The following MIB1 variants were observed in gnomAD, a reference collection of about 807,000 sequenced individuals.
MIB1 encodes the protein MIB E3 ubiquitin protein ligase 1.
In MIB1, 278 loss-of-function variants were observed where a neutral mutation model predicts 124.5. The ratio of observed to expected loss-of-function variants is 2.23; its 90% CI spans 2.02 to 2.47. MIB1 has a LOEUF of 2.47. MIB1 is among the 30% of genes most tolerant of loss of function. MIB1 has a pLI of 0.00. For missense variants in MIB1, 957 were observed against 1,254.4 expected (o/e 0.76, Z 3.58); for synonymous variants, 446 against 429.4 (o/e 1.04, Z -0.48).
intron 12 of MIB1, chr18:21,828,159 G>A (rs1360825609): frequency 1.3e-5 from 2 of 151,854 alleles, no homozygotes; most frequent in Middle Eastern, 3.2e-3. Flanking sequence ...ACAGTTCTTC[G>A]ATCTGTATAA....
At chr18:21,727,531 C>A (rs2040747832) in intron 1 of MIB1, among the ~76,000 whole-genome samples, 1 of 152,126 alleles carries the variant, frequency 6.6e-6, no homozygotes, top group East Asian at 1.9e-4. Context: ...TTGCTTGAAG[C>A]TAGTAGTTTG....
At chr18:21,725,324 G>A (rs968575228) in intron 1 of MIB1, among the ~76,000 whole-genome samples, 2 of 152,134 alleles carry the variant, frequency 1.3e-5, no homozygotes, top group South Asian at 4.1e-4. Flanking sequence ...GAAAGGTCAT[G>A]TTGGAAAGGA....
At chr18:21,846,841 C>A in intron 15 of MIB1, 103 bp from the exon 16 acceptor site, 1 of 1,101,196 alleles carries the variant, frequency 9.1e-7, no homozygotes. Context: ...AACATTAGGA[C>A]TAGAACTCAT....
upstream of MIB1, among the ~76,000 whole-genome samples, chr18:21,739,688 C>T (rs2040820232): frequency 6.6e-6 from 1 of 151,858 alleles, no homozygotes; most frequent in Non-Finnish European, 1.5e-5. Flanking sequence ...ACCAGTCCGG[C>T]CAGGGAAAAT....
intron 4 of MIB1, among the ~76,000 whole-genome samples, chr18:21,775,068 TC>T (rs1233796439): frequency 6.6e-6 from 1 of 151,948 alleles, no homozygotes; most frequent in East Asian, 1.9e-4. Flanking sequence ...GCCTCAGCCT[TC>T]CTAGTAGCTG....
intron 6 of MIB1, 92 bp downstream of exon 6, chr18:21,779,777 A>G: frequency 1.0e-6 from 1 of 1,000,914 alleles, no homozygotes; most frequent in Non-Finnish European, 1.5e-6. Flanking sequence ...ACAACCAAAT[A>G]CTCATTAAAG....
Position 21,715,663 on chromosome 18 carries a change from TA to T in MIB1, n.167+10548del, listed in dbSNP as rs1203100071. 3.3e-5 allele frequency among the ~76,000 whole-genome samples: 5 copies of T among 150,736 alleles called. 1 individual carries two copies. Among genetic ancestry groups the T allele is most frequent in the South Asian group, 4.2e-4 (2 of 4,760 alleles). ...TCGTCAGTGAAATAGATATCATAAA[TA>T]AAAAAAATCAAAACTTCAGGAAACA... On this transcript the variant is annotated intron_variant and non_coding_transcript_variant, in intron 1 of 20. Transcript: ENST00000578646.
Position 21,791,447 on chromosome 18 carries a change from G to A in MIB1, c.982G>A (p.Gly328Arg), listed in dbSNP as rs1363189425. Residue 328 changes from glycine (G) to arginine (R), a missense_variant, in exon 7 of 21, where the codon GGA becomes AGA. Physicochemically the swap from Gly to Arg is moderately radical, Grantham distance 125. Transcript: ENST00000261537. ...TGGAGATGCTGCTCAGGGTGCAGAA[G>A]GAGGCACCTCGCAGTTTCAAGTGGG... ...RSGDAAQGAE[G>R]GTSQFQVGDL... is the part of the protein sequence containing the mutation. 9.9e-6 allele frequency: 16 copies of A among 1,614,054 alleles called. No homozygotes were observed. The highest frequency in any genetic ancestry group is 1.3e-5 in the Non-Finnish European group (15 of 1,179,958).
chr18:21,815,341 C>A (rs2041820559), intron 10 of MIB1, among the ~76,000 whole-genome samples: 1 of 151,724 alleles, frequency 6.6e-6, no homozygotes, highest in Non-Finnish European at 1.5e-5. Context: ...GCTCTCTCTA[C>A]AAGACAGGAT....
rs538334905 is a variant in MIB1 at position 21,764,255 on chromosome 18, T to G, written c.230-1517T>G. Reference sequence around the variant, plus strand: ...CTTCCTCCTTCCTTCCTTGCTTCCCTCCTTCCTGCCTTCCCTCCCTCTTCC... The same window carrying G: ...CTTCCTCCTTCCTTCCTTGCTTCCCGCCTTCCTGCCTTCCCTCCCTCTTCC... On this transcript the variant is annotated intron_variant, in intron 1 of 20. Coordinates refer to ENST00000261537, the MANE Select transcript of MIB1 (RefSeq NM_020774.4). 3.3e-5 allele frequency among the ~76,000 whole-genome samples: 5 copies of G among 152,218 alleles called. No homozygotes were observed. The East Asian group carries it at 9.6e-4, about 29-fold the overall frequency.
intron 18 of MIB1, among the ~76,000 whole-genome samples, chr18:21,855,692 T>G (rs1298279636): frequency 6.6e-6 from 1 of 152,092 alleles, no homozygotes; most frequent in African/African-American, 2.4e-5. Flanking sequence ...CTATTAGGAG[T>G]GTAGGCCCTA....
intron 6 of MIB1, among the ~76,000 whole-genome samples, chr18:21,788,990 C>T (rs972378253): frequency 6.6e-6 from 1 of 152,098 alleles, no homozygotes; most frequent in Non-Finnish European, 1.5e-5. Context: ...CAAAACATTC[C>T]ATGTTCTTAG....
intron 10 of MIB1, chr18:21,812,395 G>C (rs913613037): frequency 6.6e-6 from 1 of 152,228 alleles, no homozygotes; most frequent in African/African-American, 2.4e-5. Context: ...TTTACAGAAA[G>C]AATTATGACT....
At position 21,847,118 on chromosome 18, in the gene MIB1, A is replaced by T; in HGVS notation, c.2386A>T (p.Lys796Ter). 6.2e-7 allele frequency: 1 copy of T among 1,613,902 alleles called. No homozygotes were observed. The highest frequency in any genetic ancestry group is 8.5e-7 in the Non-Finnish European group (1 of 1,179,848). Residue 796 changes from lysine (K) to a stop codon, truncating the protein, a stop_gained, in exon 16 of 21, where the codon AAA becomes TAA. Transcript: ENST00000261537. LOFTEE classifies it high-confidence loss of function. ...CKALAKCHKEKVSGQVGSRSP... is the reference protein window; with the variant it reads ...CKALAKCHKE ...AGCACTGGCAAAGTGTCATAAGGAA[A>T]AAGTCAGGTTTGTATTATTTATTAT...
intron 7 of MIB1, 120 bp downstream of exon 7, chr18:21,791,677 G>A (rs1409450837): frequency 6.9e-5 from 50 of 720,782 alleles, no homozygotes; most frequent in Non-Finnish European, 1.0e-4. Context: ...CTCTCCATTT[G>A]CACCTAGACA....
At chr18:21,756,301 T>A (rs2041030173) in intron 1 of MIB1, among the ~76,000 whole-genome samples, 1 of 152,106 alleles carries the variant, frequency 6.6e-6, no homozygotes, top group Non-Finnish European at 1.5e-5. Flanking sequence ...TGGTGGAGAT[T>A]CAAATCTTGG....
chr18:21,832,158 AT>A (rs1213215225), intron 12 of MIB1, among the ~76,000 whole-genome samples: 1 of 152,024 alleles, frequency 6.6e-6, no homozygotes, highest in African/African-American at 2.4e-5. Context: ...ATTTCAGTTA[AT>A]TTTTTTTATA....
At chr18:21,838,031 A>C (rs539940995) in intron 12 of MIB1, among the ~76,000 whole-genome samples, 101 of 152,066 alleles carry the variant, frequency 6.6e-4, no homozygotes, top group Non-Finnish European at 1.2e-3. Context: ...TTTTCCTCTT[A>C]GGTTTCCTCC....
At chr18:21,777,749 G>T (rs1360119823) in intron 4 of MIB1, among the ~76,000 whole-genome samples, 1 of 151,944 alleles carries the variant, frequency 6.6e-6, no homozygotes, top group African/African-American at 2.4e-5. Flanking sequence ...GTGGAGACGG[G>T]GTTTCACCAT....
Sources: gnomAD v4.1 joint callset for allele counts (sites outside exome capture counted in the v4.1 genomes callset) on GRCh38, gnomAD v4.1.1 for gene constraint, MANE v1.5 for transcripts, NCBI Gene and HGNC (gene_info 2026-07-23, HGNC 2026-07-21) for gene names.